The following THSD4 variants were observed in gnomAD, a reference collection of about 807,000 sequenced individuals.
THSD4 encodes thrombospondin type 1 domain containing 4.
THSD4 carries 69 observed loss-of-function variants against 119.0 expected under a neutral mutation model. The observed-to-expected ratio is 0.58, with a 90% confidence interval of 0.48 to 0.71. The LOEUF (loss-of-function observed/expected upper bound fraction) is 0.71, where lower values mean the gene tolerates loss of function less well. THSD4 is among the 30% of genes least tolerant of loss of function. THSD4 has a pLI of 0.00. For synonymous variants in THSD4, 524 were observed against 540.4 expected (o/e 0.97, Z 0.42); for missense variants, 1,393 against 1,391.1 (o/e 1.00, Z -0.02).
At chr15:71,559,054 G>A (rs752784714) in intron 7 of THSD4, among the ~76,000 whole-genome samples, 3 of 152,046 alleles carry the variant, frequency 2.0e-5, no homozygotes, top group African/African-American at 4.8e-5. Context: ...TAATTGGTTC[G>A]GAGACTTTTA....
chr15:71,134,049 G>T (rs567119894), intron 1 of THSD4, among the ~76,000 whole-genome samples: 1 of 152,354 alleles, frequency 6.6e-6, no homozygotes, highest in East Asian at 1.9e-4. Flanking sequence ...TCCAGATTCT[G>T]TGGGTTTTCA....
At chr15:71,562,307 C>G (rs904703646) in intron 7 of THSD4, among the ~76,000 whole-genome samples, 2 of 152,144 alleles carry the variant, frequency 1.3e-5, no homozygotes, top group African/African-American at 4.8e-5. Flanking sequence ...ATAGTTTGTT[C>G]TGTCAGTATG....
intron 6 of THSD4, among the ~76,000 whole-genome samples, chr15:71,299,316 A>G (rs912443869): frequency 2.0e-5 from 3 of 152,232 alleles, no homozygotes; most frequent in African/African-American, 7.2e-5. Flanking sequence ...AAGGGGAGAA[A>G]GGAAGACCAC....
chr15:71,581,788 G>A (rs966586735), intron 7 of THSD4, among the ~76,000 whole-genome samples: 24 of 152,076 alleles, frequency 1.6e-4, no homozygotes, highest in African/African-American at 5.6e-4. Context: ...TCCATTGTGT[G>A]TTCTTGGCAC....
rs76286315 is a variant in THSD4 at position 71,152,884 on chromosome 15, C to T, written c.30-1979C>T. Among the ~76,000 whole-genome samples, 1,325 of 152,272 alleles carry T rather than the reference C, an allele frequency of 8.7e-3. 9 individuals are homozygous for T. Among genetic ancestry groups the T allele is most frequent in the Middle Eastern group, 0.027 (8 of 294 alleles). ...AGCTCCCGTACTCCATGGGTATAAG[C>T]TGTACATTTACTTTCTAGGAGGGGG... On this transcript the variant is annotated intron_variant, in intron 2 of 17. Transcript: ENST00000261862.
intron 6 of THSD4, among the ~76,000 whole-genome samples, chr15:71,291,761 G>A (rs908995091): frequency 6.6e-6 from 1 of 152,132 alleles, no homozygotes; most frequent in Non-Finnish European, 1.5e-5. Flanking sequence ...ATTAATCACT[G>A]CAATATCTTT....
chr15:71,245,432 TTGA>T (rs2044191483), intron 5 of THSD4, among the ~76,000 whole-genome samples: 1 of 152,194 alleles, frequency 6.6e-6, no homozygotes, highest in Admixed American at 6.5e-5. Flanking sequence ...ATTCCTGGGT[TTGA>T]TGATTTCCTA....
intron 7 of THSD4, among the ~76,000 whole-genome samples, chr15:71,496,685 A>G (rs2048022433): frequency 1.3e-5 from 2 of 152,232 alleles, no homozygotes; most frequent in South Asian, 4.1e-4. Context: ...GAAAGGGTGG[A>G]AACTATAGCC....
intron 6 of THSD4, among the ~76,000 whole-genome samples, chr15:71,260,648 G>A (rs2044382176): frequency 6.6e-6 from 1 of 152,136 alleles, no homozygotes; most frequent in African/African-American, 2.4e-5. Context: ...AGTAACATTA[G>A]GACCCTGCCT....
intron 7 of THSD4, chr15:71,547,658 G>A (rs2048858439): frequency 2.8e-6 from 2 of 723,824 alleles, no homozygotes; most frequent in Admixed American, 3.6e-5. Context: ...TTTTCTTCTT[G>A]AAGAATTTTA....
intron 8 of THSD4, among the ~76,000 whole-genome samples, chr15:71,669,243 A>G (rs1243287447): frequency 3.3e-5 from 5 of 152,106 alleles, no homozygotes; most frequent in Non-Finnish European, 5.9e-5. Context: ...ATTGTTCTTT[A>G]TACTCTATGA....
intron 7 of THSD4, chr15:71,549,872 G>GACC: frequency 6.6e-6 from 1 of 152,620 alleles, no homozygotes; most frequent in Admixed American, 6.5e-5. Context: ...GACCTGGCAG[G>GACC]TGGGGAGAGG....
chr15:71,767,224 T>C (rs1330842302), intron 16 of THSD4: 1 of 152,202 alleles, frequency 6.6e-6, no homozygotes, highest in Non-Finnish European at 1.5e-5. Context: ...TTTTACAAAT[T>C]TGAGTTTGGA....
chr15:71,663,956 A>G (rs913959574), intron 8 of THSD4, among the ~76,000 whole-genome samples: 14 of 151,922 alleles, frequency 9.2e-5, no homozygotes, highest in African/African-American at 1.9e-4. Flanking sequence ...AATACTTCAC[A>G]TTTGTATCAT....
At chr15:71,416,636 C>T (rs1257652985) in intron 7 of THSD4, among the ~76,000 whole-genome samples, 2 of 108,474 alleles carry the variant, frequency 1.8e-5, no homozygotes, top group South Asian at 2.9e-4. Context: ...ATTTGTATGT[C>T]TTCTTTTAAG....
At chr15:71,199,869 G>GTGTGTGTGGTGCATGTGTGGTA (rs2043779861) in intron 3 of THSD4, among the ~76,000 whole-genome samples, 1 of 124,146 alleles carries the variant, frequency 8.1e-6, no homozygotes, top group African/African-American at 3.2e-5. Context: ...TGTGGGGTGT[G>GTGTGTGTGGTGCATGTGTGGTA]TGTGTGTGTG....
chr15:71,249,468 AT>A (rs2140280988), intron 5 of THSD4, among the ~76,000 whole-genome samples: 1 of 149,204 alleles, frequency 6.7e-6, no homozygotes, highest in African/African-American at 2.5e-5. Flanking sequence ...AACAGTTGTC[AT>A]TTTTCATGAT....
At chr15:71,342,639 A>G (rs971797207) in intron 6 of THSD4, 1 of 152,396 alleles carries the variant, frequency 6.6e-6, no homozygotes, top group Non-Finnish European at 1.5e-5. Context: ...TTCCGTGGCT[A>G]CAGCCACTTT....
At chr15:71,600,962 G>T (rs537549465) in intron 7 of THSD4, among the ~76,000 whole-genome samples, 8 of 152,070 alleles carry the variant, frequency 5.3e-5, no homozygotes, top group Non-Finnish European at 1.0e-4. Flanking sequence ...GGTCAGGCTG[G>T]TCTCAAACTC....
Sources: allele counts gnomAD v4.1 joint callset (sites outside exome capture counted in the v4.1 genomes callset), GRCh38; gene constraint gnomAD v4.1.1; transcripts MANE v1.5; gene names NCBI Gene and HGNC (gene_info 2026-07-23, HGNC 2026-07-21).